The following TENM4 variants were observed in gnomAD, a reference collection of about 807,000 sequenced individuals.
The protein encoded by TENM4 is teneurin-4.
A neutral mutation model predicts 243.3 loss-of-function variants in TENM4; 82 were observed. That is an observed-to-expected ratio of 0.34 (90% confidence interval 0.28 to 0.40). The LOEUF (loss-of-function observed/expected upper bound fraction) is 0.40. TENM4 is among the 10% of genes least tolerant of loss of function. TENM4 has a pLI of 1.00. For missense variants in TENM4, 3,138 were observed against 3,673.3 expected, an observed-to-expected ratio of 0.85 and a Z score of 3.77; for synonymous variants, 1,412 against 1,456.3, an observed-to-expected ratio of 0.97 and a Z score of 0.69.
intron 4 of TENM4, among the ~76,000 whole-genome samples, chr11:79,111,464 G>A (rs936575695): frequency 3.9e-5 from 6 of 152,152 alleles, no homozygotes; most frequent in East Asian, 1.9e-4. Flanking sequence ...AGAATGGTGT[G>A]AACCCGGGAG....
intron 1 of TENM4, among the ~76,000 whole-genome samples, chr11:79,303,925 C>T (rs1200025179): frequency 6.6e-6 from 1 of 152,164 alleles, no homozygotes; most frequent in Admixed American, 6.5e-5. Flanking sequence ...CTTCCAGTTC[C>T]AGGCAGGAAC....
At chr11:78,902,591 T>C (rs956308729) in intron 7 of TENM4, among the ~76,000 whole-genome samples, 1 of 152,224 alleles carries the variant, frequency 6.6e-6, no homozygotes, top group Non-Finnish European at 1.5e-5. Context: ...CCCGCTCTGA[T>C]TCTCAGCTTC....
chr11:79,439,960 G>C (rs1859364194), intron 1 of TENM4, among the ~76,000 whole-genome samples: 1 of 152,034 alleles, frequency 6.6e-6, no homozygotes, highest in African/African-American at 2.4e-5. Flanking sequence ...GCGGGTTGCA[G>C]AGGGCGAGGA....
At chr11:79,306,047 A>C (rs529593267) in intron 1 of TENM4, among the ~76,000 whole-genome samples, 5 of 152,228 alleles carry the variant, frequency 3.3e-5, no homozygotes, top group African/African-American at 1.2e-4. Flanking sequence ...AGGCCCTCTG[A>C]TCCCTGCACC....
chr11:79,158,129 A>G (rs1862661596), intron 3 of TENM4, among the ~76,000 whole-genome samples: 1 of 152,210 alleles, frequency 6.6e-6, no homozygotes, highest in African/African-American at 2.4e-5. Context: ...TGTGTGTCCC[A>G]CCTAATCTCT....
intron 29 of TENM4, among the ~76,000 whole-genome samples, chr11:78,677,035 A>C (rs528057762): frequency 1.3e-5 from 2 of 152,296 alleles, no homozygotes; most frequent in Admixed American, 6.5e-5. Context: ...TGCGGTGATA[A>C]ACATGTTCCA....
At position 79,048,962 on chromosome 11, in the gene TENM4, A is replaced by T. The variant is rs184834549; in HGVS notation, c.493+15776T>A. Among the ~76,000 whole-genome samples, 1,054 of 152,292 alleles carry T rather than the reference A, an allele frequency of 6.9e-3. 4 individuals carry two copies. Among genetic ancestry groups the T allele is most frequent in the Non-Finnish European group, 0.011 (751 of 68,014 alleles). ...CATCATTTTATCCAGTTGCTCAAGC[A>T]GAGCTGGATTTCTTCTGCGGATTCT... On this transcript the variant is annotated intron_variant, in intron 6 of 33. Transcript: ENST00000278550.
At chr11:78,755,201 G>A (rs1056741792) in intron 19 of TENM4, among the ~76,000 whole-genome samples, 1 of 152,010 alleles carries the variant, frequency 6.6e-6, no homozygotes, top group African/African-American at 2.4e-5. Flanking sequence ...GTCTTGCTCT[G>A]TCACCCAGGC....
intron 5 of TENM4, 26 bp downstream of exon 5, chr11:79,069,696 G>T: frequency 6.5e-7 from 1 of 1,536,980 alleles, no homozygotes. Context: ...TGCGCCTGAG[G>T]CCCGCCCCCT....
chr11:78,919,133 C>A (rs1014069127), intron 6 of TENM4, among the ~76,000 whole-genome samples: 2 of 152,178 alleles, frequency 1.3e-5, no homozygotes, highest in East Asian at 1.9e-4. Flanking sequence ...TGTCTACAGT[C>A]CTAATGTCTA....
intron 6 of TENM4, among the ~76,000 whole-genome samples, chr11:78,995,527 A>C (rs548458724): frequency 1.8e-4 from 28 of 152,334 alleles, no homozygotes; most frequent in Non-Finnish European, 4.0e-4. Context: ...GATTTCTAAA[A>C]AAATAGTATA....
chr11:79,236,451 GC>G (rs1027443994), intron 2 of TENM4, among the ~76,000 whole-genome samples: 12 of 152,222 alleles, frequency 7.9e-5, no homozygotes, highest in African/African-American at 2.9e-4. Context: ...AAATGAAATG[GC>G]CCCAGCATCA....
At chr11:79,118,252 G>A (rs985086042) in intron 4 of TENM4, among the ~76,000 whole-genome samples, 8 of 152,046 alleles carry the variant, frequency 5.3e-5, no homozygotes, top group Admixed American at 5.2e-4. Flanking sequence ...GGTTATGAAA[G>A]GACTTGGCAA....
intron 9 of TENM4, among the ~76,000 whole-genome samples, chr11:78,873,554 C>G (rs552550525): frequency 6.6e-6 from 1 of 152,214 alleles, no homozygotes; most frequent in Admixed American, 6.5e-5. Context: ...TGGAACCTGC[C>G]CCTAACCACT....
chr11:79,137,385 T>C (rs143170459), intron 4 of TENM4, among the ~76,000 whole-genome samples: 136 of 152,188 alleles, frequency 8.9e-4, no homozygotes, highest in Middle Eastern at 3.4e-3. Context: ...CTCTTAGTAT[T>C]ACTCTGCCCT....
chr11:79,330,305 G>T (rs377316952), intron 1 of TENM4, among the ~76,000 whole-genome samples: 73 of 152,290 alleles, frequency 4.8e-4, no homozygotes, highest in African/African-American at 1.4e-3. Context: ...AAGAATTGAT[G>T]GGGACTCCTA....
chr11:79,369,563 C>T (rs1565318042), intron 1 of TENM4, among the ~76,000 whole-genome samples: 1 of 152,154 alleles, frequency 6.6e-6, no homozygotes, highest in Non-Finnish European at 1.5e-5. Context: ...TCTTCCTTTC[C>T]TCATTCTCTG....
intron 25 of TENM4, among the ~76,000 whole-genome samples, chr11:78,715,558 A>C (rs1206970571): frequency 6.6e-6 from 1 of 152,186 alleles, no homozygotes; most frequent in East Asian, 1.9e-4. Context: ...CAGAGTCCGT[A>C]AGAGCTGTGG....
chr11:78,939,389 C>T (rs1856845360), intron 6 of TENM4, among the ~76,000 whole-genome samples: 1 of 152,226 alleles, frequency 6.6e-6, no homozygotes, highest in African/African-American at 2.4e-5. Context: ...GCCCCGAAGG[C>T]CCTTCTAGCT....
Sources: allele counts gnomAD v4.1 joint callset (sites outside exome capture counted in the v4.1 genomes callset), GRCh38; gene constraint gnomAD v4.1.1; transcripts MANE v1.5; gene names NCBI Gene and HGNC (gene_info 2026-07-23, HGNC 2026-07-21).